LIPA: variants seen among roughly 807,000 people sequenced by gnomAD.
LIPA encodes lysosomal acid lipase/cholesteryl ester hydrolase.
In LIPA, 26 loss-of-function variants were observed where a neutral mutation model predicts 40.6. That is an observed-to-expected ratio of 0.64 (90% CI 0.47 to 0.89). The LOEUF (loss-of-function observed/expected upper bound fraction) is 0.89. Ranked by LOEUF, LIPA falls within the 40% of genes least tolerant of loss-of-function variation. LIPA has a pLI of 0.00. For missense variants in LIPA, 455 were observed against 479.6 expected (o/e 0.95, Z 0.48); for synonymous variants, 188 against 168.4 (o/e 1.12, Z -0.90).
At chr10:89,295,020 T>A (rs55671050) in intron 1 of LIPA, among the ~76,000 whole-genome samples, 1 of 106,608 alleles carries the variant, frequency 9.4e-6, no homozygotes, top group African/African-American at 3.7e-5. Context: ...GGAAATGAAA[T>A]GAAAGGAAAG....
At chr10:89,357,254 G>A (rs1843993583) in intron 2 of LIPA, among the ~76,000 whole-genome samples, 1 of 152,164 alleles carries the variant, frequency 6.6e-6, no homozygotes, top group Non-Finnish European at 1.5e-5. Flanking sequence ...AAGATCACCA[G>A]GAAATCCTCC....
chr10:89,393,052 C>A, intron 2 of LIPA: 1 of 967,534 alleles, frequency 1.0e-6, no homozygotes, highest in South Asian at 1.5e-5. Flanking sequence ...TCACTTCTGT[C>A]TGATATGGGG....
chr10:89,414,560 TAA>T (rs1841509213), upstream of LIPA: 3 of 453,332 alleles, frequency 6.6e-6, no homozygotes, highest in Middle Eastern at 5.7e-4. Flanking sequence ...TTCGATTTCT[TAA>T]GTTTCAGTTT....
chr10:89,259,827 T>C (rs1292317462), intron 1 of LIPA, among the ~76,000 whole-genome samples: 2 of 152,150 alleles, frequency 1.3e-5, no homozygotes, highest in East Asian at 1.9e-4. Flanking sequence ...AATATAGAAA[T>C]TGTAAATTAG....
intron 1 of LIPA, among the ~76,000 whole-genome samples, chr10:89,310,352 C>T (rs549146274): frequency 9.5e-4 from 145 of 152,272 alleles, no homozygotes; most frequent in African/African-American, 3.3e-3. Flanking sequence ...TCCAATACAA[C>T]TGGATCCAGT....
At chr10:89,236,990 T>C (rs1029218529) in intron 3 of LIPA, among the ~76,000 whole-genome samples, 46 of 152,236 alleles carry the variant, frequency 3.0e-4, no homozygotes, top group Admixed American at 2.4e-3. Flanking sequence ...AATGCCAATA[T>C]AGACCAGGCA....
At chr10:89,280,564 T>C (rs1843309756) in intron 1 of LIPA, among the ~76,000 whole-genome samples, 1 of 152,230 alleles carries the variant, frequency 6.6e-6, no homozygotes, top group Non-Finnish European at 1.5e-5. Flanking sequence ...CTCCAAACAC[T>C]GTCCCCATTT....
At chr10:89,299,132 C>A (rs1843431194) in intron 1 of LIPA, among the ~76,000 whole-genome samples, 1 of 151,242 alleles carries the variant, frequency 6.6e-6, no homozygotes, top group Admixed American at 6.6e-5. Context: ...GAGAAATTTG[C>A]CAAAGAAATA....
intron 2 of LIPA, 37 bp downstream of exon 2, chr10:89,247,497 AATAG>A: frequency 8.4e-7 from 1 of 1,196,490 alleles, no homozygotes; most frequent in Non-Finnish European, 1.2e-6. Context: ...GGATCGGGGA[AATAG>A]ATGCATTTTA....
At chr10:89,224,298 T>C (rs561986691) in intron 6 of LIPA, among the ~76,000 whole-genome samples, 1 of 152,212 alleles carries the variant, frequency 6.6e-6, no homozygotes, top group Non-Finnish European at 1.5e-5. Flanking sequence ...TTTTGTTTTT[T>C]AAAATTTTTT....
At chr10:89,403,943 ATGTT>A (rs1228616261) in intron 2 of LIPA, 2 of 388,582 alleles carry the variant, frequency 5.1e-6, no homozygotes, top group Admixed American at 4.2e-5. Context: ...TAGAGAAAAA[ATGTT>A]AGTTAACTTT....
intron 3 of LIPA, among the ~76,000 whole-genome samples, chr10:89,229,577 C>T (rs1031934368): frequency 6.6e-6 from 1 of 152,074 alleles, no homozygotes; most frequent in Non-Finnish European, 1.5e-5. Flanking sequence ...ATGGCGAAAC[C>T]CTGTCTCTAC....
chr10:89,329,928 T>G (rs1244191237), intron 1 of LIPA, among the ~76,000 whole-genome samples: 1 of 151,928 alleles, frequency 6.6e-6, no homozygotes, highest in Non-Finnish European at 1.5e-5. Flanking sequence ...AAAGGAAAAT[T>G]ACTGTCAAAG....
At chr10:89,279,037 T>G (rs1365240852) in intron 1 of LIPA, among the ~76,000 whole-genome samples, 1 of 152,180 alleles carries the variant, frequency 6.6e-6, no homozygotes, top group African/African-American at 2.4e-5. Flanking sequence ...GAAAATGGCT[T>G]CTGTGAAAGA....
intron 1 of LIPA, among the ~76,000 whole-genome samples, chr10:89,282,263 T>C (rs1564775228): frequency 6.6e-6 from 1 of 152,202 alleles, no homozygotes; most frequent in Non-Finnish European, 1.5e-5. Context: ...TGTTTTATGA[T>C]TTATCTAATA....
chr10:89,310,043 C>G (rs1009028409), intron 1 of LIPA, among the ~76,000 whole-genome samples: 23 of 152,240 alleles, frequency 1.5e-4, no homozygotes, highest in African/African-American at 5.3e-4. Flanking sequence ...GCCCCTAAAA[C>G]TGCCTTCAAT....
At chr10:89,324,659 G>C (rs1009940284) in intron 1 of LIPA, among the ~76,000 whole-genome samples, 2 of 152,052 alleles carry the variant, frequency 1.3e-5, no homozygotes, top group Admixed American at 1.3e-4. Flanking sequence ...AGAAACTTAA[G>C]CAAATTAACA....
rs375673192 is a variant in LIPA at position 89,384,212 on chromosome 10, T to C, written c.61+28579A>G. The C allele has an allele frequency of 6.8e-6, 11 of 1,613,870 alleles. No individual in the cohort carries two copies. Among genetic ancestry groups the C allele is most frequent in the East Asian group, 2.2e-5 (1 of 44,892 alleles). ...GGGCTTTGCTACAGGGCACAAATGA[T>C]CCAAATCAAGGAAGCTACAAACTGG... On this transcript the variant is annotated intron_variant, in intron 2 of 8. Transcript: ENST00000371837.
intron 2 of LIPA, among the ~76,000 whole-genome samples, chr10:89,354,693 G>A (rs1335710741): frequency 1.3e-5 from 2 of 152,048 alleles, no homozygotes; most frequent in Non-Finnish European, 2.9e-5. Flanking sequence ...TCAGCCTCCC[G>A]AGTAGCTGGA....
Sources: allele counts gnomAD v4.1 joint callset (sites outside exome capture counted in the v4.1 genomes callset), GRCh38; gene constraint gnomAD v4.1.1; transcripts MANE v1.5; gene names NCBI Gene and HGNC (gene_info 2026-07-23, HGNC 2026-07-21).